PHYKPL: variants seen among roughly 807,000 people sequenced by gnomAD.
The protein encoded by PHYKPL is 5-phosphohydroxy-L-lysine phospho-lyase, also known as 5-phosphonooxy-L-lysine phospho-lyase.
A neutral mutation model predicts 51.3 loss-of-function variants in PHYKPL; 42 were observed. The ratio of observed to expected loss-of-function variants is 0.82; its 90% CI spans 0.64 to 1.06. The LOEUF is 1.06. PHYKPL is among the 50% of genes least tolerant of loss of function. The pLI is 0.00. For synonymous variants in PHYKPL, 264 were observed against 236.0 expected (o/e 1.12, Z -1.09); for missense variants, 655 against 586.6 (o/e 1.12, Z -1.20).
At chr5:178,216,259 T>TA (rs1395191154) in intron 8 of PHYKPL, 1 of 152,168 alleles carries the variant, frequency 6.6e-6, no homozygotes, top group Non-Finnish European at 1.5e-5. Context: ...AGGCCATTCA[T>TA]ATGCATAGGG....
chr5:178,228,592 G>C, intron 3 of PHYKPL: 1 of 702,564 alleles, frequency 1.4e-6, no homozygotes, highest in Non-Finnish European at 2.6e-6. Flanking sequence ...TACCCCACCT[G>C]TAAAATGAAG....
chr5:178,217,958 C>T (rs1344328306), intron 8 of PHYKPL, among the ~76,000 whole-genome samples: 6 of 150,760 alleles, frequency 4.0e-5, no homozygotes, highest in Admixed American at 2.0e-4. Flanking sequence ...TGGCTCACGC[C>T]TGTAATCCCA....
chr5:178,215,498 G>A, intron 8 of PHYKPL, 68 bp from the exon 9 acceptor site: 3 of 1,527,894 alleles, frequency 2.0e-6, no homozygotes, highest in South Asian at 1.2e-5. Context: ...GTGAGGGTGA[G>A]GCAGAAGAAC....
intron 1 of PHYKPL, chr5:178,231,778 G>A: frequency 6.9e-7 from 1 of 1,451,744 alleles, no homozygotes; most frequent in Non-Finnish European, 9.2e-7. Flanking sequence ...TGGCCTCCTT[G>A]CTCATTTCTG....
Position 178,217,325 on chromosome 5 carries a change from A to C in PHYKPL, c.928-1895T>G, listed in dbSNP as rs547888402. 4.2e-4 allele frequency among the ~76,000 whole-genome samples: 63 copies of C among 151,034 alleles called. 1 individual carries two copies. The highest frequency in any genetic ancestry group is 1.5e-3 in the African/African-American group (60 of 41,078). On this transcript the variant is annotated intron_variant, in intron 8 of 12. Coordinates refer to ENST00000308158, the MANE Select transcript of PHYKPL (RefSeq NM_153373.4). ...AGCTGCCGCCTCCCAGGTTCAGGCGATTCTGGTGCTTCAGCCTCCCAACTA... is the reference window on the plus strand; with the variant it reads ...AGCTGCCGCCTCCCAGGTTCAGGCGCTTCTGGTGCTTCAGCCTCCCAACTA...
intron 6 of PHYKPL, 27 bp from the exon 7 acceptor site, chr5:178,222,961 C>T (rs1231007233): frequency 1.4e-5 from 23 of 1,611,152 alleles, no homozygotes; most frequent in Non-Finnish European, 1.8e-5. Flanking sequence ...ATTGGGAACA[C>T]GACCATGGGG....
chr5:178,210,880 G>GGGA, intron 12 of PHYKPL: 1 of 542,192 alleles, frequency 1.8e-6, no homozygotes, highest in Admixed American at 3.3e-5. Context: ...AGAAGCAGGT[G>GGGA]GGAGGCTCTG....
At chr5:178,222,805 C>T (rs780684047) in intron 7 of PHYKPL, 47 bp downstream of exon 7, 1 of 1,600,148 alleles carries the variant, frequency 6.2e-7, no homozygotes, top group Non-Finnish European at 8.6e-7. Context: ...TGGAAAACCT[C>T]ATTAGACCCC....
intron 8 of PHYKPL, among the ~76,000 whole-genome samples, chr5:178,218,046 T>C (rs1760241085): frequency 7.7e-6 from 1 of 129,942 alleles, no homozygotes. Flanking sequence ...TGAAACCCCG[T>C]CTCTACTAAA....
chr5:178,213,186 C>T lies in PHYKPL; in HGVS notation c.1173-83G>A. 1.9e-6 allele frequency: 3 copies of T among 1,559,582 alleles called. No homozygotes were observed. In the South Asian group the frequency reaches 3.6e-5, roughly 19 times the overall value. ...GGCCTCATGTCCAGTGCTCCAGCCA[C>T]ACTGTCCTCAGAGCCTTCCATGGGC... On this transcript the variant is annotated intron_variant, in intron 10 of 12. Coordinates refer to ENST00000308158, the MANE Select transcript of PHYKPL (RefSeq NM_153373.4).
intron 3 of PHYKPL, chr5:178,225,741 A>C (rs1382403430): frequency 5.6e-6 from 2 of 358,430 alleles, no homozygotes; most frequent in South Asian, 3.1e-5. Context: ...TCAACACAGA[A>C]GACTTCTGTG....
intron 8 of PHYKPL, among the ~76,000 whole-genome samples, chr5:178,218,190 C>G (rs1308022421): frequency 2.7e-5 from 3 of 110,460 alleles, no homozygotes; most frequent in Non-Finnish European, 5.0e-5. Flanking sequence ...GCACTCCAGC[C>G]TGGGTGACAG....
At chr5:178,228,804 G>T (rs1762796337) in intron 3 of PHYKPL, among the ~76,000 whole-genome samples, 1 of 152,186 alleles carries the variant, frequency 6.6e-6, no homozygotes, top group Admixed American at 6.5e-5. Flanking sequence ...CCTGGCCACT[G>T]AACTGGCACC....
chr5:178,207,190 C>A, downstream of PHYKPL: 1 of 1,614,180 alleles, frequency 6.2e-7, no homozygotes, highest in South Asian at 1.1e-5. Context: ...GAAGAAGGTT[C>A]TGGAGAAAAA....
At chr5:178,222,814 C>G in intron 7 of PHYKPL, 38 bp downstream of exon 7, 1 of 1,605,074 alleles carries the variant, frequency 6.2e-7, no homozygotes, top group Non-Finnish European at 8.5e-7. Context: ...TCATTAGACC[C>G]CTGCCCTCCC....
chr5:178,225,355 T>TG lies in PHYKPL; in HGVS notation c.412dup (p.His138ProfsTer12). 1.2e-6 allele frequency: 2 copies of TG among 1,614,208 alleles called. No individual in the cohort carries two copies. Among genetic ancestry groups the TG allele is most frequent in the Non-Finnish European group, 1.7e-6 (2 of 1,180,038 alleles). ...CGGTAGGGCTGTGAGTTGCACTTAC[T>TG]GATCTAATACCACCACGTCCTGGTG... On this transcript the variant is annotated frameshift_variant and splice_region_variant, in exon 4 of 13. Transcript: ENST00000308158. LOFTEE classifies it high-confidence loss of function.
chr5:178,219,866 G>A (rs554747080), intron 8 of PHYKPL, among the ~76,000 whole-genome samples: 16 of 152,128 alleles, frequency 1.1e-4, no homozygotes, highest in Middle Eastern at 3.4e-3. Context: ...ACTGTTTTAC[G>A]CTCCACTTGA....
At chr5:178,215,635 G>T in intron 8 of PHYKPL, 1 of 576,932 alleles carries the variant, frequency 1.7e-6, no homozygotes, top group Non-Finnish European at 3.0e-6. Context: ...TAATGTGACT[G>T]CAACTCAGGT....
At position 178,213,054 on chromosome 5, in the gene PHYKPL, T is replaced by C; in HGVS notation, c.1222A>G (p.Ile408Val). ...CACATTGGGGGCTTAAACTTCAGGA[T>C]GTTCCTCCCAGGGCCATCAGTGCTC... is the stretch of plus-strand genomic sequence containing the variant. Reference protein sequence around the residue: ...LLSTDGPGRNILKFKPPMCFS... With the variant: ...LLSTDGPGRNVLKFKPPMCFS... The change falls in exon 11 of 13, where the codon ATC becomes GTC. Residue 408 changes from isoleucine (I) to valine (V), a missense_variant. Physicochemically the swap from Ile to Val is conservative, Grantham distance 29. Transcript: ENST00000308158. The C allele has an allele frequency of 1.2e-6, 2 of 1,614,228 alleles. No homozygotes were observed. The highest frequency in any genetic ancestry group is 8.5e-7 in the Non-Finnish European group (1 of 1,180,032).
Sources: gnomAD v4.1 joint callset for allele counts (sites outside exome capture counted in the v4.1 genomes callset) on GRCh38, gnomAD v4.1.1 for gene constraint, MANE v1.5 for transcripts, NCBI Gene and HGNC (gene_info 2026-07-23, HGNC 2026-07-21) for gene names.